SYCP2L: variants seen among roughly 807,000 people sequenced by gnomAD.
SYCP2L encodes synaptonemal complex protein 2 like.
In SYCP2L, 98 loss-of-function variants were observed where a neutral mutation model predicts 125.8. That is an observed-to-expected ratio of 0.78 (90% CI 0.66 to 0.92). The LOEUF (loss-of-function observed/expected upper bound fraction) is 0.92, where lower values mean the gene tolerates loss of function less well. SYCP2L is among the 40% of genes least tolerant of loss of function. The probability of loss-of-function intolerance (pLI) is 0.00; values close to 1 mark genes in which losing one functional copy is unlikely to be tolerated. For synonymous variants in SYCP2L, 317 were observed against 325.4 expected, an observed-to-expected ratio of 0.97 and a Z score of 0.28; for missense variants, 842 against 936.4, an observed-to-expected ratio of 0.90 and a Z score of 1.32.
rs34079965 is a variant in SYCP2L at position 10,942,761 on chromosome 6, C to CTTTT, written c.1954+28_1954+31dup. The stretch of plus-strand genomic sequence containing the variant: ...GGAAGACAAAGGTAAGAGAATAGTA[C>CTTTT]TTTTTTTTTTTTTTTTGCAGAATAA... On this transcript the variant is annotated intron_variant, in intron 23 of 29. Transcript: ENST00000283141. The CTTTT allele has an allele frequency of 2.8e-6, 4 of 1,408,270 alleles. No homozygotes were observed. Among genetic ancestry groups the CTTTT allele is most frequent in the Non-Finnish European group, 3.8e-6 (4 of 1,051,482 alleles). 87.2% of individuals were successfully genotyped at this position (1,408,270 alleles called of 1,614,324 possible).
At chr6:10,942,386 C>A in intron 21 of SYCP2L, 73 bp from the exon 22 acceptor site, 1 of 958,026 alleles carries the variant, frequency 1.0e-6, no homozygotes, top group South Asian at 1.8e-5. Context: ...GATTTAATAT[C>A]TAGAATGATA....
chr6:10,923,795 C>T (rs373971776), intron 14 of SYCP2L, among the ~76,000 whole-genome samples: 34 of 151,594 alleles, frequency 2.2e-4, no homozygotes, highest in African/African-American at 4.8e-4. Flanking sequence ...GCCATTCTCC[C>T]GCCTCAGCCT....
intron 14 of SYCP2L, among the ~76,000 whole-genome samples, chr6:10,916,476 G>A (rs9357023): frequency 0.24 from 37,144 of 151,988 alleles, 4,989 homozygotes; most frequent in East Asian, 0.54. Context: ...TTTCCTCTTA[G>A]CATTGCCTTT....
intron 28 of SYCP2L, 68 bp from the exon 29 acceptor site, chr6:10,963,714 T>C: frequency 2.0e-6 from 3 of 1,491,216 alleles, no homozygotes; most frequent in Middle Eastern, 1.8e-4. Flanking sequence ...CAGATGTATC[T>C]AGATGTATGT....
At chr6:10,931,971 A>AG (rs1489211102) in intron 20 of SYCP2L, among the ~76,000 whole-genome samples, 1 of 144,904 alleles carries the variant, frequency 6.9e-6, no homozygotes. Context: ...TCTCAAAAAA[A>AG]AAAAAAAAGA....
intron 21 of SYCP2L, 58 bp from the exon 22 acceptor site, chr6:10,942,401 A>T: frequency 8.9e-7 from 1 of 1,119,530 alleles, no homozygotes; most frequent in South Asian, 1.6e-5. Context: ...ATGATAGTGA[A>T]TTCTTATTGC....
chr6:10,915,746 A>G (rs758705682), intron 14 of SYCP2L, among the ~76,000 whole-genome samples: 5 of 152,130 alleles, frequency 3.3e-5, no homozygotes, highest in African/African-American at 4.8e-5. Flanking sequence ...GAATTTTAGC[A>G]TCTATGTTCA....
At chr6:10,968,012 G>C (rs1781709160) in intron 29 of SYCP2L, among the ~76,000 whole-genome samples, 1 of 152,174 alleles carries the variant, frequency 6.6e-6, no homozygotes, top group Non-Finnish European at 1.5e-5. Flanking sequence ...AGTTGTTAGA[G>C]TGATGCACTT....
chr6:10,902,951 T>C lies in SYCP2L; in HGVS notation c.629T>C (p.Met210Thr), dbSNP rs1354029168. The change falls in exon 8 of 30, where the codon ATG becomes ACG. Residue 210 changes from methionine to threonine, a missense_variant. By Grantham distance (81) the Met-to-Thr change is moderately conservative. Coordinates refer to ENST00000283141, the MANE Select transcript of SYCP2L (RefSeq NM_001040274.3). ...ERKKFPLSEG[M>T]CHLMKDLART... ...AAAAAATTCCCTTTGTCAGAAGGCATGTGTCATCTTATGTAAGTGACTTTG... is the reference window on the plus strand; with the variant it reads ...AAAAAATTCCCTTTGTCAGAAGGCACGTGTCATCTTATGTAAGTGACTTTG... 1.2e-6 allele frequency: 2 copies of C among 1,614,088 alleles called. No individual in the cohort carries two copies. The highest frequency in any genetic ancestry group is 8.5e-7 in the Non-Finnish European group (1 of 1,179,908).
chr6:10,971,488 G>C (rs750170565), intron 29 of SYCP2L, among the ~76,000 whole-genome samples: 3 of 148,586 alleles, frequency 2.0e-5, no homozygotes, highest in Non-Finnish European at 4.5e-5. Context: ...AAGAAAGAAA[G>C]ATAGGAGTTA....
Position 10,911,907 on chromosome 6 carries a change from T to C in SYCP2L, c.919-766T>C, listed in dbSNP as rs376316092. Among the ~76,000 whole-genome samples, 2,909 of 129,418 alleles carry C rather than the reference T, an allele frequency of 0.022. 210 individuals are homozygous for C. In the East Asian group the frequency reaches 0.23, roughly 10 times the overall value. 84.9% of individuals were successfully genotyped at this position (129,418 alleles called of 152,430 possible). A position where few individuals can be genotyped will look rare whatever the true frequency, so the allele number is the denominator to read the frequency against. On this transcript the variant is annotated intron_variant, in intron 12 of 29. Coordinates refer to ENST00000283141, the MANE Select transcript of SYCP2L (RefSeq NM_001040274.3). ...GGGGAATAAAAGCTTTTTTTTTTTTTTTTTTTTTTTTTGAGACGGAGTCTC... is the reference window on the plus strand; with the variant it reads ...GGGGAATAAAAGCTTTTTTTTTTTTCTTTTTTTTTTTTGAGACGGAGTCTC...
At chr6:10,908,464 T>A (rs1202546075) in intron 10 of SYCP2L, among the ~76,000 whole-genome samples, 1 of 152,196 alleles carries the variant, frequency 6.6e-6, no homozygotes, top group African/African-American at 2.4e-5. Flanking sequence ...CTCTGCAAGC[T>A]GGGCTTCCTG....
chr6:10,907,496 C>A, intron 9 of SYCP2L, 46 bp from the exon 10 acceptor site: 1 of 1,552,042 alleles, frequency 6.4e-7, no homozygotes, highest in Non-Finnish European at 8.7e-7. Context: ...TTTTCTTTTG[C>A]TTTGTGCCCA....
chr6:10,913,058 T>C lies in SYCP2L; in HGVS notation c.1072+131T>C, dbSNP rs556011211. 3.0e-5 allele frequency: 23 copies of C among 762,192 alleles called. No homozygotes were observed. In the South Asian group the frequency reaches 4.4e-4, roughly 14 times the overall value. The allele number at this position is 762,192 out of a possible 1,614,324, so 47.2% of individuals were successfully genotyped here. A position where few individuals can be genotyped will look rare whatever the true frequency, so the allele number is the denominator to read the frequency against. ...GAGGTAGGAAGGCTGTATGGTATGA[T>C]AGAAGGTGCGCTGTCACAGGTTTGT... On this transcript the variant is annotated intron_variant, in intron 14 of 29. Coordinates refer to ENST00000283141, the MANE Select transcript of SYCP2L (RefSeq NM_001040274.3).
intron 25 of SYCP2L, among the ~76,000 whole-genome samples, chr6:10,957,221 A>G (rs953895745): frequency 8.5e-5 from 13 of 152,232 alleles, no homozygotes; most frequent in African/African-American, 1.7e-4. Context: ...ACAAGTTCAT[A>G]TTACTTATCA....
At chr6:10,904,940 G>A (rs1009601762) in intron 8 of SYCP2L, among the ~76,000 whole-genome samples, 5 of 151,732 alleles carry the variant, frequency 3.3e-5, no homozygotes, top group Non-Finnish European at 5.9e-5. Context: ...TCAGGAGTTC[G>A]AGACCAGCCT....
intron 21 of SYCP2L, among the ~76,000 whole-genome samples, chr6:10,938,401 G>A (rs1781145206): frequency 6.6e-6 from 1 of 152,050 alleles, no homozygotes; most frequent in African/African-American, 2.4e-5. Flanking sequence ...CATATAGAAT[G>A]CACCTCAATA....
chr6:10,910,193 C>T lies in SYCP2L; in HGVS notation c.865C>T (p.Gln289Ter). ...TCACCTAAACAACAGACTTGGTGAC[C>T]AAAGAAGGTAAGTTGTGTCTCTGAG... ...LNHLNNRLGD[Q>*]RRVYSFPCIA... Residue 289 changes from glutamine (Q) to a stop codon, truncating the protein, a stop_gained, in exon 11 of 30, where the codon CAA becomes TAA. Transcript: ENST00000283141. LOFTEE classifies it high-confidence loss of function. The T allele has an allele frequency of 6.2e-7, 1 of 1,613,306 alleles. No individual in the cohort carries two copies. Among genetic ancestry groups the T allele is most frequent in the Non-Finnish European group, 8.5e-7 (1 of 1,179,626 alleles).
At chr6:10,931,974 A>AG (rs1194242284) in intron 20 of SYCP2L, among the ~76,000 whole-genome samples, 1 of 144,108 alleles carries the variant, frequency 6.9e-6, no homozygotes, top group Admixed American at 7.2e-5. Flanking sequence ...CAAAAAAAAA[A>AG]AAAAAGATTG....
Sources: gnomAD v4.1 joint callset for allele counts (sites outside exome capture counted in the v4.1 genomes callset) on GRCh38, gnomAD v4.1.1 for gene constraint, MANE v1.5 for transcripts, NCBI Gene and HGNC (gene_info 2026-07-23, HGNC 2026-07-21) for gene names.